Variants in NGEF observed in about 807,000 individuals in gnomAD.
NGEF encodes ephexin-1.
Under a neutral mutation model 80.9 loss-of-function variants are expected in NGEF, and 31 were observed. The observed-to-expected ratio is 0.38, with a 90% CI of 0.29 to 0.52. The LOEUF (loss-of-function observed/expected upper bound fraction) is 0.52. NGEF is among the 20% of genes least tolerant of loss of function. The pLI is 0.84. For missense variants in NGEF, 709 were observed against 926.2 expected, an observed-to-expected ratio of 0.77 and a Z score of 3.04; for synonymous variants, 371 against 370.2, an observed-to-expected ratio of 1.00 and a Z score of -0.03.
At chr2:232,895,573 G>A (rs1053012886) in intron 5 of NGEF, among the ~76,000 whole-genome samples, 2 of 151,302 alleles carry the variant, frequency 1.3e-5, no homozygotes, top group Non-Finnish European at 2.9e-5. Flanking sequence ...CCGCACAGCT[G>A]CCAAGGGTGG....
intron 3 of NGEF, among the ~76,000 whole-genome samples, chr2:232,966,474 G>A (rs1025557049): frequency 3.9e-5 from 6 of 152,056 alleles, no homozygotes; most frequent in South Asian, 2.1e-4. Context: ...CCAGTTCAGC[G>A]CTAGATGTTT....
intron 5 of NGEF, among the ~76,000 whole-genome samples, chr2:232,913,931 GTAAAA>G (rs929967533): frequency 1.3e-5 from 2 of 151,624 alleles, no homozygotes; most frequent in African/African-American, 2.4e-5. Flanking sequence ...AAAAATAAAA[GTAAAA>G]TAAAATAAAA....
At chr2:232,885,850 T>C (rs1451570973) in intron 9 of NGEF, among the ~76,000 whole-genome samples, 2 of 152,170 alleles carry the variant, frequency 1.3e-5, no homozygotes, top group Non-Finnish European at 2.9e-5. Context: ...TCAGGGCACA[T>C]AAATGAGCAC....
chr2:232,882,771 G>A (rs1041140012), intron 12 of NGEF, among the ~76,000 whole-genome samples: 3 of 152,164 alleles, frequency 2.0e-5, no homozygotes, highest in Non-Finnish European at 4.4e-5. Flanking sequence ...TCCACTCCAC[G>A]AGTGCACTGC....
At chr2:232,880,110 T>A (rs1357490977) in intron 14 of NGEF, among the ~76,000 whole-genome samples, 1 of 152,036 alleles carries the variant, frequency 6.6e-6, no homozygotes, top group African/African-American at 2.4e-5. Context: ...GCCGAGCATG[T>A]GGTTAGCTGG....
intron 1 of NGEF, among the ~76,000 whole-genome samples, chr2:232,981,789 C>T (rs560812193): frequency 1.3e-5 from 2 of 152,306 alleles, no homozygotes; most frequent in South Asian, 2.1e-4. Context: ...GCTGGCTCTG[C>T]GTGAATTACT....
intron 1 of NGEF, among the ~76,000 whole-genome samples, chr2:232,995,679 A>G (rs1182276884): frequency 1.2e-5 from 1 of 81,774 alleles, no homozygotes; most frequent in Non-Finnish European, 3.3e-5. Context: ...TATATGTATT[A>G]TATATATTAT....
Position 232,894,739 on chromosome 2 carries a change from G to A in NGEF, c.989+17C>T. ...AAGAAGGGCCCTGAGGGAGGTGGCT[G>A]TCCCCCCCGTCCTCACCGCTCACTG... On this transcript the variant is annotated intron_variant, in intron 6 of 14. Coordinates refer to ENST00000264051, the MANE Select transcript of NGEF (RefSeq NM_019850.3). 6.5e-7 allele frequency: 1 copy of A among 1,540,406 alleles called. No homozygotes were observed. The highest frequency in any genetic ancestry group is 1.2e-5 in the South Asian group (1 of 83,210).
chr2:232,928,523 G>A (rs1015286716), intron 3 of NGEF, among the ~76,000 whole-genome samples: 1 of 152,116 alleles, frequency 6.6e-6, no homozygotes, highest in African/African-American at 2.4e-5. Context: ...GCGGTCTCCC[G>A]CAGGGTCGCA....
At chr2:232,959,621 CCTGGCTGGA>C (rs1388254810) in intron 3 of NGEF, among the ~76,000 whole-genome samples, 1 of 148,686 alleles carries the variant, frequency 6.7e-6, no homozygotes, top group African/African-American at 2.5e-5. Flanking sequence ...CTCTTTTTGC[CCTGGCTGGA>C]GTGCAATGGC....
intron 8 of NGEF, among the ~76,000 whole-genome samples, chr2:232,888,383 CAT>C (rs1275753850): frequency 6.6e-6 from 1 of 151,524 alleles, no homozygotes; most frequent in Non-Finnish European, 1.5e-5. Context: ...CGTGTAGAAA[CAT>C]GCATACAAGC....
At chr2:232,881,670 C>T (rs1413412420) in intron 13 of NGEF, among the ~76,000 whole-genome samples, 1 of 152,194 alleles carries the variant, frequency 6.6e-6, no homozygotes, top group African/African-American at 2.4e-5. Flanking sequence ...GCAACCTCCA[C>T]ATGCCAGGTT....
chr2:232,992,683 A>T (rs1276142278), intron 1 of NGEF, among the ~76,000 whole-genome samples: 1 of 152,016 alleles, frequency 6.6e-6, no homozygotes, highest in African/African-American at 2.4e-5. Context: ...CAATAATAAA[A>T]AATAACCCAA....
intron 5 of NGEF, among the ~76,000 whole-genome samples, chr2:232,908,080 A>G (rs1367165984): frequency 6.6e-6 from 1 of 152,226 alleles, no homozygotes; most frequent in Non-Finnish European, 1.5e-5. Flanking sequence ...ACTGCACTCC[A>G]GCCTGGGAGA....
At chr2:232,992,375 T>C (rs1694668981) in intron 1 of NGEF, among the ~76,000 whole-genome samples, 1 of 151,822 alleles carries the variant, frequency 6.6e-6, no homozygotes, top group Non-Finnish European at 1.5e-5. Context: ...CTGGTCGACA[T>C]GGTGAAACGC....
At chr2:232,983,282 C>A (rs1016684805) in intron 1 of NGEF, among the ~76,000 whole-genome samples, 4 of 151,994 alleles carry the variant, frequency 2.6e-5, no homozygotes, top group African/African-American at 9.7e-5. Flanking sequence ...TGGGGGGAGC[C>A]CCTACTACGC....
rs12622059 is a variant in NGEF at position 232,980,121 on chromosome 2, G to T, written c.-74-5157C>A. Among the ~76,000 whole-genome samples, 147 of 152,282 alleles carry T rather than the reference G, an allele frequency of 9.7e-4. 2 individuals are homozygous for T. The East Asian group carries it at 0.026, about 27-fold the overall frequency. On this transcript the variant is annotated intron_variant, in intron 1 of 14. Transcript: ENST00000264051. ...TGTGGGCTGAAGTCAGGCCTGGAAG[G>T]ATCAGAGCCAGGAGGGGGCTCTATT...
At chr2:233,011,877 C>T (rs999562103) in intron 1 of NGEF, among the ~76,000 whole-genome samples, 18 of 152,144 alleles carry the variant, frequency 1.2e-4, no homozygotes, top group Non-Finnish European at 4.4e-5. Context: ...GATCCCCTCC[C>T]TGGGAGGGGT....
intron 5 of NGEF, among the ~76,000 whole-genome samples, chr2:232,910,456 G>T (rs1489978069): frequency 1.3e-5 from 2 of 149,420 alleles, no homozygotes; most frequent in Non-Finnish European, 3.0e-5. Flanking sequence ...GGTGGGGGGT[G>T]GGGGGGGTAA....
Sources: allele counts gnomAD v4.1 joint callset (sites outside exome capture counted in the v4.1 genomes callset), GRCh38; gene constraint gnomAD v4.1.1; transcripts MANE v1.5; gene names NCBI Gene and HGNC (gene_info 2026-07-23, HGNC 2026-07-21).